The following BRD10 variants were observed in gnomAD, a reference collection of about 807,000 sequenced individuals.
BRD10 encodes the protein uncharacterized bromodomain-containing protein 10.
At chr9:5,889,819 G>T in the BRD10 span, among the ~76,000 whole-genome samples, 1 of 152,078 alleles carries the variant, frequency 6.6e-6, no homozygotes, top group Non-Finnish European at 1.5e-5. Flanking sequence ...TAGTTATAAT[G>T]ATTTAAAATT....
chr9:5,968,717 G>C, the BRD10 span: 2 of 1,613,756 alleles, frequency 1.2e-6, no homozygotes, highest in Non-Finnish European at 8.5e-7. Context: ...TTTAATCCGA[G>C]GTACTCTTTG....
At chr9:5,977,407 C>G in the BRD10 span, among the ~76,000 whole-genome samples, 1 of 152,126 alleles carries the variant, frequency 6.6e-6, no homozygotes, top group Non-Finnish European at 1.5e-5. Flanking sequence ...TTTAGAAATA[C>G]AACTATGGAG....
At chr9:5,892,468 C>T in the BRD10 span, 1 of 1,612,578 alleles carries the variant, frequency 6.2e-7, no homozygotes, top group Non-Finnish European at 8.5e-7. Context: ...TGCCCTGACC[C>T]TACAAGATGC....
chr9:5,932,528 T>C, the BRD10 span, among the ~76,000 whole-genome samples: 1 of 152,292 alleles, frequency 6.6e-6, no homozygotes, highest in African/African-American at 2.4e-5. Flanking sequence ...CACATTTACA[T>C]TGTAGTAGAT....
the BRD10 span, among the ~76,000 whole-genome samples, chr9:5,889,147 C>A: frequency 6.6e-6 from 1 of 152,196 alleles, no homozygotes; most frequent in Admixed American, 6.5e-5. Flanking sequence ...CCGAATAGTA[C>A]AACACCTGCA....
chr9:5,996,867 C>T, the BRD10 span, among the ~76,000 whole-genome samples: 14 of 152,216 alleles, frequency 9.2e-5, no homozygotes, highest in African/African-American at 2.6e-4. Context: ...TCAATGCAGG[C>T]AGAACAGAAG....
the BRD10 span, among the ~76,000 whole-genome samples, chr9:5,950,978 T>C: frequency 6.6e-6 from 1 of 151,076 alleles, no homozygotes; most frequent in Admixed American, 6.6e-5. Flanking sequence ...AAGAAAATAT[T>C]TTCAATCCAA....
At chr9:5,879,022 C>T in the BRD10 span, among the ~76,000 whole-genome samples, 3 of 152,244 alleles carry the variant, frequency 2.0e-5, no homozygotes, top group African/African-American at 7.2e-5. Context: ...GGAGTTCTCA[C>T]TTTACTCTCT....
chr9:5,993,482 G>C, the BRD10 span, among the ~76,000 whole-genome samples: 681 of 152,260 alleles, frequency 4.5e-3, 6 homozygotes, highest in African/African-American at 0.015. Flanking sequence ...ATTTACAAAT[G>C]TGCAGGCAAG....
chr9:5,958,734 G>A, the BRD10 span, among the ~76,000 whole-genome samples: 7 of 152,238 alleles, frequency 4.6e-5, no homozygotes, highest in African/African-American at 1.7e-4. Flanking sequence ...TCCTCCCTCT[G>A]TACTTTCGCC....
the BRD10 span, chr9:6,007,642 G>C: frequency 6.2e-7 from 1 of 1,603,266 alleles, no homozygotes; most frequent in Non-Finnish European, 8.5e-7. Context: ...GTCCTCCAGC[G>C]AGGAGGCACT....
At chr9:5,952,022 T>TATTTATTTATTTATTC in the BRD10 span, among the ~76,000 whole-genome samples, 2 of 149,278 alleles carry the variant, frequency 1.3e-5, no homozygotes, top group Admixed American at 1.4e-4. Flanking sequence ...TTTATTTATT[T>TATTTATTTATTTATTC]ATTTATTTAT....
the BRD10 span, among the ~76,000 whole-genome samples, chr9:5,882,936 A>C: frequency 1.3e-5 from 2 of 152,120 alleles, no homozygotes; most frequent in Admixed American, 6.5e-5. Context: ...GCGTGTTCTC[A>C]CTCACAGGTG....
At chr9:5,903,231 T>C in the BRD10 span, among the ~76,000 whole-genome samples, 1 of 152,168 alleles carries the variant, frequency 6.6e-6, no homozygotes, top group South Asian at 2.1e-4. Context: ...AAGATGTGTT[T>C]TGTGGCCCAG....
chr9:5,977,059 C>A, the BRD10 span, among the ~76,000 whole-genome samples: 1 of 152,164 alleles, frequency 6.6e-6, no homozygotes, highest in African/African-American at 2.4e-5. Flanking sequence ...TAAGGACATA[C>A]AGAAAGGTGA....
At chr9:5,897,564 G>A in the BRD10 span, 1 of 1,614,034 alleles carries the variant, frequency 6.2e-7, no homozygotes, top group Non-Finnish European at 8.5e-7. Context: ...CAGGGCCGCT[G>A]GGATCGGCAT....
chr9:5,888,479 T>G, the BRD10 span, among the ~76,000 whole-genome samples: 1 of 152,250 alleles, frequency 6.6e-6, no homozygotes, highest in African/African-American at 2.4e-5. Context: ...ACTATGGAAA[T>G]GTTGGACAAA....
At chr9:6,000,845 C>A in the BRD10 span, among the ~76,000 whole-genome samples, 1 of 152,164 alleles carries the variant, frequency 6.6e-6, no homozygotes, top group Non-Finnish European at 1.5e-5. Context: ...GACATTCAAT[C>A]CTCACACAAA....
chr9:5,954,468 C>G, the BRD10 span, among the ~76,000 whole-genome samples: 1 of 152,196 alleles, frequency 6.6e-6, no homozygotes, highest in Non-Finnish European at 1.5e-5. Context: ...TTAACATTGA[C>G]TTCGCAGTCA....
Sources: allele counts gnomAD v4.1 joint callset (sites outside exome capture counted in the v4.1 genomes callset), GRCh38; gene constraint gnomAD v4.1.1; transcripts MANE v1.5; gene names NCBI Gene and HGNC (gene_info 2026-07-23, HGNC 2026-07-21).